PLPP3: variants seen among roughly 807,000 people sequenced by gnomAD.
The protein encoded by PLPP3 is PAP2 beta.
Under a neutral mutation model 29.6 loss-of-function variants are expected in PLPP3, and 6 were observed. The observed-to-expected ratio is 0.20, with a 90% CI of 0.11 to 0.40. The LOEUF (loss-of-function observed/expected upper bound fraction) is 0.40, where lower values mean the gene tolerates loss of function less well. PLPP3 is among the 10% of genes least tolerant of loss of function. PLPP3 has a pLI of 1.00. For synonymous variants in PLPP3, 152 were observed against 159.7 expected (o/e 0.95, Z 0.36); for missense variants, 308 against 407.7 (o/e 0.76, Z 2.11).
chr1:56,525,792 C>A (rs567817058), intron 2 of PLPP3, among the ~76,000 whole-genome samples: 2 of 152,210 alleles, frequency 1.3e-5, no homozygotes, highest in South Asian at 4.2e-4. Flanking sequence ...ATGTGCACAG[C>A]CACAAGGGAA....
intron 1 of PLPP3, among the ~76,000 whole-genome samples, chr1:56,550,502 A>G (rs1646031155): frequency 6.6e-6 from 1 of 152,142 alleles, no homozygotes; most frequent in Non-Finnish European, 1.5e-5. Context: ...CAGAATGTCT[A>G]GAGTCCCTCT....
chr1:56,531,101 A>C (rs1645885174), intron 2 of PLPP3, among the ~76,000 whole-genome samples: 1 of 152,174 alleles, frequency 6.6e-6, no homozygotes, highest in Admixed American at 6.5e-5. Context: ...TTGTGGTGAA[A>C]ATTATATGAG....
chr1:56,533,536 A>T (rs948564680), intron 2 of PLPP3, among the ~76,000 whole-genome samples: 1 of 152,162 alleles, frequency 6.6e-6, no homozygotes, highest in Non-Finnish European at 1.5e-5. Context: ...CTACTTAGTT[A>T]TGAGAGAGTC....
At chr1:56,550,584 G>C (rs557602500) in intron 1 of PLPP3, among the ~76,000 whole-genome samples, 8 of 152,200 alleles carry the variant, frequency 5.3e-5, no homozygotes, top group African/African-American at 1.9e-4. Context: ...CAGGCAGAGG[G>C]GAGGAAGAGG....
At chr1:56,551,294 C>CTTT (rs1557511338) in intron 1 of PLPP3, among the ~76,000 whole-genome samples, 2 of 138,880 alleles carry the variant, frequency 1.4e-5, no homozygotes, top group Admixed American at 7.2e-5. Flanking sequence ...TGGTTTGGTT[C>CTTT]GGTTCGGTTC....
intron 1 of PLPP3, among the ~76,000 whole-genome samples, chr1:56,562,790 T>A (rs1219181949): frequency 6.6e-6 from 1 of 152,200 alleles, no homozygotes; most frequent in African/African-American, 2.4e-5. Context: ...CCTGGCCATG[T>A]TTTTTCCATC....
chr1:56,498,885 G>C (rs1192978834), intron 5 of PLPP3, among the ~76,000 whole-genome samples: 1 of 152,114 alleles, frequency 6.6e-6, no homozygotes, highest in African/African-American at 2.4e-5. Context: ...GCCTGCCTCA[G>C]CCTTCCAAAG....
intron 4 of PLPP3, among the ~76,000 whole-genome samples, chr1:56,516,618 T>C (rs1291822121): frequency 2.0e-5 from 3 of 152,106 alleles, no homozygotes; most frequent in Non-Finnish European, 4.4e-5. Flanking sequence ...GCCTCTGGGC[T>C]AGAGAATCAG....
At chr1:56,565,263 G>T (rs911037719) in intron 1 of PLPP3, among the ~76,000 whole-genome samples, 6 of 152,010 alleles carry the variant, frequency 3.9e-5, no homozygotes, top group Middle Eastern at 3.4e-3. Context: ...AGCTGCATCC[G>T]CAGCCACTAA....
intron 1 of PLPP3, among the ~76,000 whole-genome samples, chr1:56,558,619 T>C (rs1051641208): frequency 6.6e-6 from 1 of 152,206 alleles, no homozygotes; most frequent in African/African-American, 2.4e-5. Context: ...CTGTGAGGTA[T>C]TTTTTTCTCT....
chr1:56,563,096 T>C (rs1035568225), intron 1 of PLPP3, among the ~76,000 whole-genome samples: 2 of 152,236 alleles, frequency 1.3e-5, no homozygotes, highest in African/African-American at 4.8e-5. Flanking sequence ...TGCCAGCTGC[T>C]TTCCTGCTCT....
intron 1 of PLPP3, chr1:56,538,788 TG>T (rs1184619665): frequency 6.2e-6 from 1 of 160,082 alleles, no homozygotes; most frequent in Non-Finnish European, 1.4e-5. Flanking sequence ...TGAAGGAAAA[TG>T]ATCAGAAAAA....
chr1:56,565,774 C>G (rs1205258382), intron 1 of PLPP3, among the ~76,000 whole-genome samples: 2 of 152,186 alleles, frequency 1.3e-5, no homozygotes, highest in Non-Finnish European at 2.9e-5. Context: ...ACCCAGTGGT[C>G]TTCCTTACCT....
intron 1 of PLPP3, among the ~76,000 whole-genome samples, chr1:56,563,882 T>C (rs1236072246): frequency 1.3e-5 from 2 of 152,250 alleles, no homozygotes; most frequent in African/African-American, 2.4e-5. Context: ...TGCCTCTCTC[T>C]TCCAGTGTAA....
At chr1:56,578,330 G>A (rs893146772) in intron 1 of PLPP3, among the ~76,000 whole-genome samples, 1 of 152,176 alleles carries the variant, frequency 6.6e-6, no homozygotes, top group Non-Finnish European at 1.5e-5. Flanking sequence ...CACCAAGCCC[G>A]GGGAAAGCAC....
At chr1:56,557,176 A>G (rs1326431475) in intron 1 of PLPP3, among the ~76,000 whole-genome samples, 1 of 151,346 alleles carries the variant, frequency 6.6e-6, no homozygotes, top group East Asian at 1.9e-4. Flanking sequence ...TCAAGAGATC[A>G]AGACAATCCT....
At chr1:56,504,384 T>C (rs1297963390) in intron 5 of PLPP3, among the ~76,000 whole-genome samples, 1 of 152,114 alleles carries the variant, frequency 6.6e-6, no homozygotes, top group Non-Finnish European at 1.5e-5. Context: ...CATAGGCTAT[T>C]AGGGAGGGTG....
chr1:56,496,619 C>T lies in PLPP3; in HGVS notation c.868G>A (p.Ala290Thr), dbSNP rs575915994. The change falls in exon 6 of 6, where the codon GCT becomes ACT. Residue 290 changes from alanine (A) to threonine (T), a missense_variant. This residue lies in a region of PLPP3 where 232 missense variants were observed against 317.2 expected (regional missense o/e 0.73). Coordinates refer to ENST00000371250, the MANE Select transcript of PLPP3 (RefSeq NM_003713.5). ...TKTTLSLPAP[A>T]IRKEILSPVD... ...GGTGAAAGGATTTCCTTCCGGATAG[C>T]AGGGGCAGGCAGGGAGAGCGTCGTC... is the stretch of plus-strand genomic sequence containing the variant. 1.2e-5 allele frequency: 19 copies of T among 1,613,834 alleles called. No homozygotes were observed. Among genetic ancestry groups the T allele is most frequent in the Non-Finnish European group, 1.1e-5 (13 of 1,179,812 alleles).
chr1:56,502,805 C>T (rs4912314), intron 5 of PLPP3, among the ~76,000 whole-genome samples: 52,459 of 152,052 alleles, frequency 0.35, 11,077 homozygotes, highest in African/African-American at 0.6. Flanking sequence ...GGGCATGGAT[C>T]GTGTTGAGTC....
Sources: allele counts gnomAD v4.1 joint callset (sites outside exome capture counted in the v4.1 genomes callset), GRCh38; gene constraint gnomAD v4.1.1; regional missense constraint gnomAD v4.1.1; transcripts MANE v1.5; gene names NCBI Gene and HGNC (gene_info 2026-07-23, HGNC 2026-07-21).